The following HS6ST3 variants were observed in gnomAD, a reference collection of about 807,000 sequenced individuals.
HS6ST3 encodes heparan sulfate 6-O-sulfotransferase 3.
HS6ST3 carries 12 observed loss-of-function variants against 36.7 expected under a neutral mutation model. The ratio of observed to expected loss-of-function variants is 0.33; its 90% CI spans 0.21 to 0.53. HS6ST3 has a LOEUF of 0.53. Ranked by LOEUF, HS6ST3 falls within the 20% of genes least tolerant of loss-of-function variation. The pLI is 0.95. For missense variants in HS6ST3, 584 were observed against 640.9 expected (o/e 0.91, Z 0.96); for synonymous variants, 240 against 257.5 (o/e 0.93, Z 0.65).
At position 96,835,709 on chromosome 13, in the gene HS6ST3, C is replaced by A. The variant is rs1377281875; in HGVS notation, c.*2511C>A. The A allele has an allele frequency of 6.6e-6, 1 of 152,154 alleles. No individual in the cohort carries two copies. Among genetic ancestry groups the A allele is most frequent in the Non-Finnish European group, 1.5e-5 (1 of 68,070 alleles). The allele number at this position is 152,154 out of a possible 1,614,324, so 9.4% of individuals were successfully genotyped here. ...ATTCAGATTGTTTCTTTTAAACTCA[C>A]TTTAAAATTTTGGCAAGGAATTCAT... On this transcript the variant is annotated 3_prime_UTR_variant, in exon 2 of 2. Transcript: ENST00000376705.
chr13:96,457,464 TAA>T (rs1440380068), intron 1 of HS6ST3, among the ~76,000 whole-genome samples: 1 of 152,138 alleles, frequency 6.6e-6, no homozygotes. Flanking sequence ...AGTGAACACA[TAA>T]ATAGTATTTC....
chr13:96,539,922 G>A (rs2056171337), intron 1 of HS6ST3, among the ~76,000 whole-genome samples: 1 of 152,140 alleles, frequency 6.6e-6, no homozygotes, highest in South Asian at 2.1e-4. Context: ...TTTTCCTGTA[G>A]CCCAGGGACT....
At position 96,187,533 on chromosome 13, in the gene HS6ST3, A is replaced by G. The variant is rs138276299; in HGVS notation, c.707+95964A>G. On this transcript the variant is annotated intron_variant, in intron 1 of 1. Coordinates refer to ENST00000376705, the MANE Select transcript of HS6ST3 (RefSeq NM_153456.4). ...AGGGCTCTATGACTCCAAAGCCTGTATTTTACTTGATGTGACTGCAGTGCC... is the reference window on the plus strand; with the variant it reads ...AGGGCTCTATGACTCCAAAGCCTGTGTTTTACTTGATGTGACTGCAGTGCC... 7.9e-5 allele frequency among the ~76,000 whole-genome samples: 12 copies of G among 152,204 alleles called. No homozygotes were observed. In the East Asian group the frequency reaches 2.3e-3, roughly 30 times the overall value.
intron 1 of HS6ST3, among the ~76,000 whole-genome samples, chr13:96,534,479 T>C (rs2138937098): frequency 6.6e-6 from 1 of 152,342 alleles, no homozygotes; most frequent in Non-Finnish European, 1.5e-5. Flanking sequence ...TTAGGGGGTC[T>C]AAATGCAATA....
At chr13:96,304,677 G>GTTTTTCTTTCTTTC (rs1555296783) in intron 1 of HS6ST3, among the ~76,000 whole-genome samples, 1 of 70,528 alleles carries the variant, frequency 1.4e-5, no homozygotes, top group African/African-American at 6.1e-5. Flanking sequence ...ACTGTTGCAT[G>GTTTTTCTTTCTTTC]TTTTTCTTTC....
chr13:96,592,630 ATTTAT>A (rs2056386743), intron 1 of HS6ST3, among the ~76,000 whole-genome samples: 1 of 151,732 alleles, frequency 6.6e-6, no homozygotes, highest in Non-Finnish European at 1.5e-5. Flanking sequence ...TCAGCATTTT[ATTTAT>A]TTATTTATTT....
At chr13:96,103,595 G>A (rs2053827718) in intron 1 of HS6ST3, among the ~76,000 whole-genome samples, 2 of 152,136 alleles carry the variant, frequency 1.3e-5, no homozygotes, top group Non-Finnish European at 2.9e-5. Flanking sequence ...GTGAGAAAAT[G>A]ACTACGAAGG....
chr13:96,639,734 T>G (rs1345278260), intron 1 of HS6ST3, among the ~76,000 whole-genome samples: 1 of 151,930 alleles, frequency 6.6e-6, no homozygotes, highest in East Asian at 1.9e-4. Flanking sequence ...CAGTTTCTAT[T>G]GTAGCCATCT....
At chr13:96,797,607 G>A (rs987637640) in intron 1 of HS6ST3, among the ~76,000 whole-genome samples, 1 of 152,040 alleles carries the variant, frequency 6.6e-6, no homozygotes, top group African/African-American at 2.4e-5. Flanking sequence ...TGAGAATGAG[G>A]TTATGGGAAA....
At chr13:96,250,281 G>A (rs2139376998) in intron 1 of HS6ST3, among the ~76,000 whole-genome samples, 1 of 152,274 alleles carries the variant, frequency 6.6e-6, no homozygotes, top group South Asian at 2.1e-4. Flanking sequence ...TGGATTGAAT[G>A]GTGATCCCCC....
intron 1 of HS6ST3, among the ~76,000 whole-genome samples, chr13:96,674,752 C>T (rs1251685397): frequency 6.6e-6 from 1 of 152,170 alleles, no homozygotes; most frequent in African/African-American, 2.4e-5. Flanking sequence ...CAGTGGTCCA[C>T]TGCTCACTTC....
chr13:96,643,185 G>A (rs998196010), intron 1 of HS6ST3, among the ~76,000 whole-genome samples: 1 of 151,976 alleles, frequency 6.6e-6, no homozygotes, highest in African/African-American at 2.4e-5. Context: ...ATTGGAAAGA[G>A]ACTTTTTTAT....
chr13:96,236,290 G>C (rs907254098), intron 1 of HS6ST3, among the ~76,000 whole-genome samples: 1 of 152,050 alleles, frequency 6.6e-6, no homozygotes, highest in Admixed American at 6.5e-5. Flanking sequence ...CCGCACAGAC[G>C]CACCCAGAAA....
intron 1 of HS6ST3, among the ~76,000 whole-genome samples, chr13:96,583,464 G>A (rs933031259): frequency 6.6e-6 from 1 of 151,340 alleles, no homozygotes; most frequent in Non-Finnish European, 1.5e-5. Context: ...CGCCCACCTC[G>A]ACCTCCCAAA....
At chr13:96,299,696 A>G (rs9300342) in intron 1 of HS6ST3, among the ~76,000 whole-genome samples, 82,935 of 151,994 alleles carry the variant, frequency 0.55, 22,795 homozygotes, top group African/African-American at 0.58. Flanking sequence ...AGTCCATGAA[A>G]CATTTAGCAG....
intron 1 of HS6ST3, among the ~76,000 whole-genome samples, chr13:96,221,421 T>C (rs2054454878): frequency 6.6e-6 from 1 of 152,210 alleles, no homozygotes; most frequent in South Asian, 2.1e-4. Context: ...TCTGATTGTC[T>C]TAAATAGTGT....
At chr13:96,703,249 A>G (rs965303214) in intron 1 of HS6ST3, among the ~76,000 whole-genome samples, 9 of 152,210 alleles carry the variant, frequency 5.9e-5, no homozygotes, top group East Asian at 3.9e-4. Context: ...TAAATGATCT[A>G]TTGACGTCGG....
At chr13:96,605,684 C>T (rs534862043) in intron 1 of HS6ST3, among the ~76,000 whole-genome samples, 1 of 152,098 alleles carries the variant, frequency 6.6e-6, no homozygotes, top group East Asian at 1.9e-4. Context: ...AAAAGCAATT[C>T]AGAAAAGTTA....
At chr13:96,676,689 A>G (rs2138434814) in intron 1 of HS6ST3, among the ~76,000 whole-genome samples, 1 of 152,268 alleles carries the variant, frequency 6.6e-6, no homozygotes, top group African/African-American at 2.4e-5. Context: ...TTTGAGGTCT[A>G]AGTCATAATT....
Sources: gnomAD v4.1 joint callset for allele counts (sites outside exome capture counted in the v4.1 genomes callset) on GRCh38, gnomAD v4.1.1 for gene constraint, MANE v1.5 for transcripts, NCBI Gene and HGNC (gene_info 2026-07-23, HGNC 2026-07-21) for gene names.